Variants in FRAS1 observed in about 807,000 individuals in gnomAD.
FRAS1 encodes the protein Fraser extracellular matrix complex subunit 1.
FRAS1 carries 290 observed loss-of-function variants against 435.2 expected under a neutral mutation model. That is an observed-to-expected ratio of 0.67 (90% confidence interval 0.61 to 0.73). The LOEUF is 0.73. Among genes scored for constraint, FRAS1 ranks in the 30% least tolerant of loss-of-function variants. The pLI is 0.00. For synonymous variants in FRAS1, 1,800 were observed against 1,851.0 expected, an observed-to-expected ratio of 0.97 and a Z score of 0.71; for missense variants, 4,860 against 5,001.5, an observed-to-expected ratio of 0.97 and a Z score of 0.85.
At chr4:78,259,405 G>A (rs1578211666) in intron 6 of FRAS1, among the ~76,000 whole-genome samples, 1 of 146,674 alleles carries the variant, frequency 6.8e-6, no homozygotes, top group Admixed American at 6.9e-5. Context: ...CATTCTGACT[G>A]GTGTGAGATG....
rs1448204743 is a variant in FRAS1, at chr4:78,080,214, C to T, written c.108+14198C>T. On this transcript the variant is annotated intron_variant, in intron 2 of 73. Coordinates refer to ENST00000512123, the MANE Select transcript of FRAS1 (RefSeq NM_025074.7). ...AAAAGCCAAAATGGATACCACTGTGCCTCTGCCTCGAGAAGCCTGATTGAT... is the reference window on the plus strand; with the variant it reads ...AAAAGCCAAAATGGATACCACTGTGTCTCTGCCTCGAGAAGCCTGATTGAT... Among the ~76,000 whole-genome samples the T allele has an allele frequency of 2.6e-5, 4 of 152,130 alleles. No homozygotes were observed. In the East Asian group the frequency reaches 5.8e-4, roughly 22 times the overall value.
At chr4:78,058,152 T>A in intron 1 of FRAS1, 67 bp downstream of exon 1, 1 of 1,393,704 alleles carries the variant, frequency 7.2e-7, no homozygotes, top group African/African-American at 1.4e-5. Context: ...GTGTGAGTGA[T>A]CGTGCAGTTT....
At chr4:78,201,705 C>T (rs1723054079) in intron 2 of FRAS1, among the ~76,000 whole-genome samples, 1 of 152,120 alleles carries the variant, frequency 6.6e-6, no homozygotes, top group Non-Finnish European at 1.5e-5. Context: ...ATAATGCCTG[C>T]TCATTTTAAC....
At position 78,400,826 on chromosome 4, in the gene FRAS1, G is replaced by A; in HGVS notation, c.4068G>A (p.Glu1356=). ...LQITNRILQA[E]APGASAEEII... ...TCACCAACAGAATCTTACAGGCCGA[G>A]GCTCCTGGTGCCAGTGCTGAAGAAA... The change falls in exon 30 of 74, where the codon GAG becomes GAA. Residue 1356 remains glutamate, a synonymous_variant. Transcript: ENST00000512123. 1 of 1,613,772 alleles carries A rather than the reference G, an allele frequency of 6.2e-7. No homozygotes were observed. Among genetic ancestry groups the A allele is most frequent in the Non-Finnish European group, 8.5e-7 (1 of 1,179,808 alleles).
intron 2 of FRAS1, among the ~76,000 whole-genome samples, chr4:78,212,539 C>A (rs1046663940): frequency 9.2e-5 from 14 of 152,194 alleles, no homozygotes; most frequent in African/African-American, 3.4e-4. Context: ...GCAAACCTGA[C>A]TTTTACTTCT....
chr4:78,245,405 G>C lies in FRAS1; in HGVS notation c.309+80G>C, dbSNP rs930114004. On this transcript the variant is annotated intron_variant, in intron 4 of 73. Coordinates refer to ENST00000512123, the MANE Select transcript of FRAS1 (RefSeq NM_025074.7). ...AAAAGCTGAATGTTAAACTTGTGTTGATGAGAGTTTTTTTCTTTGCCTGGA... is the reference window on the plus strand; with the variant it reads ...AAAAGCTGAATGTTAAACTTGTGTTCATGAGAGTTTTTTTCTTTGCCTGGA... 8 of 1,015,440 alleles carry C rather than the reference G, an allele frequency of 7.9e-6. No individual in the cohort carries two copies. In the African/African-American group the frequency reaches 1.1e-4, roughly 14 times the overall value. 62.9% of individuals were successfully genotyped at this position (1,015,440 alleles called of 1,614,324 possible).
intron 9 of FRAS1, among the ~76,000 whole-genome samples, chr4:78,273,064 T>A (rs1022614619): frequency 6.6e-6 from 1 of 152,226 alleles, no homozygotes; most frequent in African/African-American, 2.4e-5. Context: ...TATTTTATTC[T>A]CTTTGAAGCA....
chr4:78,494,851 T>C (rs1011150680), intron 59 of FRAS1, among the ~76,000 whole-genome samples: 19 of 152,172 alleles, frequency 1.2e-4, no homozygotes, highest in Non-Finnish European at 2.4e-4. Flanking sequence ...AGAATTTTGT[T>C]GGATATACAA....
intron 23 of FRAS1, among the ~76,000 whole-genome samples, chr4:78,371,138 G>A (rs1204191671): frequency 1.4e-5 from 2 of 141,580 alleles, no homozygotes; most frequent in East Asian, 2.2e-4. Flanking sequence ...AGTTTGTGGT[G>A]AAAAACAAGA....
At position 78,265,038 on chromosome 4, in the gene FRAS1, T is replaced by G. The variant is rs779620563; in HGVS notation, c.617T>G (p.Val206Gly). 21 of 1,609,378 alleles carry G rather than the reference T, an allele frequency of 1.3e-5. 1 individual carries two copies. The South Asian group carries it at 2.1e-4, about 16-fold the overall frequency. The change falls in exon 7 of 74, where the codon GTC becomes GGC. Residue 206 changes from valine to glycine, a missense_variant. Coordinates refer to ENST00000512123, the MANE Select transcript of FRAS1 (RefSeq NM_025074.7). ...CTGCGTGTTAAGGATGAGACTGTAG[T>G]CCGAGTCCCTGGAAAATGTTGCCCG... ...PLFCNQDETVVRVPGKCCPQC... is the reference protein window; with the variant it reads ...PLFCNQDETVGRVPGKCCPQC...
At chr4:78,232,755 CT>C (rs1181684136) in intron 2 of FRAS1, among the ~76,000 whole-genome samples, 2 of 152,140 alleles carry the variant, frequency 1.3e-5, no homozygotes, top group African/African-American at 4.8e-5. Context: ...TATCTCAATT[CT>C]TATGAATAGA....
rs572609792 is a variant in FRAS1, at chr4:78,129,265, A to C, written c.108+63249A>C. Among the ~76,000 whole-genome samples, 12 of 152,310 alleles carry C rather than the reference A, an allele frequency of 7.9e-5. No homozygotes were observed. The East Asian group carries it at 1.7e-3, about 22-fold the overall frequency. On this transcript the variant is annotated intron_variant, in intron 2 of 73. Coordinates refer to ENST00000512123, the MANE Select transcript of FRAS1 (RefSeq NM_025074.7). ...TCTTTTTTGGTTCCATATGAACTTT[A>C]AAGTAGTTTTTTCCAATTCTGTGAA...
chr4:78,363,422 T>C (rs1407725303), intron 20 of FRAS1, 91 bp from the exon 21 acceptor site: 1 of 1,290,514 alleles, frequency 7.7e-7, no homozygotes, highest in Non-Finnish European at 1.1e-6. Context: ...GCAGTGTTTG[T>C]AATTGAAATC....
intron 59 of FRAS1, among the ~76,000 whole-genome samples, chr4:78,491,392 C>A (rs191464872): frequency 3.3e-5 from 5 of 152,122 alleles, no homozygotes; most frequent in African/African-American, 1.2e-4. Flanking sequence ...AACATCAATG[C>A]GAAAATACTC....
chr4:78,412,327 G>A (rs1478634539), intron 31 of FRAS1, among the ~76,000 whole-genome samples: 2 of 152,184 alleles, frequency 1.3e-5, no homozygotes, highest in Non-Finnish European at 2.9e-5. Flanking sequence ...TTAAGAGGGT[G>A]GTCCAGTAAC....
chr4:78,390,711 T>G (rs1732410754), intron 29 of FRAS1, among the ~76,000 whole-genome samples: 1 of 152,214 alleles, frequency 6.6e-6, no homozygotes, highest in Admixed American at 6.5e-5. Flanking sequence ...ATGCCTCAAC[T>G]CTTATGGCTT....
rs1440137423 is a variant in FRAS1 at position 78,507,584 on chromosome 4, C to G, written c.9480C>G (p.Ser3160Arg). The change falls in exon 62 of 74, where the codon AGC becomes AGG. Residue 3160 changes from serine to arginine, a missense_variant. Transcript: ENST00000512123. ...VTILDQEAAG[S>R]LILPAPPIVV... The stretch of plus-strand genomic sequence containing the variant: ...TTCTAGACCAGGAGGCAGCAGGGAG[C>G]CTCATATTGCCAGCACCACCCATTG... The G allele has an allele frequency of 3.7e-6, 6 of 1,600,976 alleles. No individual in the cohort carries two copies. The highest frequency in any genetic ancestry group is 1.8e-5 in the Admixed American group (1 of 56,880).
chr4:78,307,726 C>T (rs926854580), intron 14 of FRAS1, among the ~76,000 whole-genome samples: 4 of 152,222 alleles, frequency 2.6e-5, no homozygotes, highest in African/African-American at 4.8e-5. Context: ...GCGCATGGTG[C>T]ATGCACCCAC....
intron 2 of FRAS1, among the ~76,000 whole-genome samples, chr4:78,106,340 G>A (rs1578127005): frequency 2.0e-5 from 1 of 50,496 alleles, no homozygotes; most frequent in Non-Finnish European, 4.2e-5. Context: ...GCAGACTTAA[G>A]TGTCCCTGTC....
Sources: allele counts gnomAD v4.1 joint callset (sites outside exome capture counted in the v4.1 genomes callset), GRCh38; gene constraint gnomAD v4.1.1; transcripts MANE v1.5; gene names NCBI Gene and HGNC (gene_info 2026-07-23, HGNC 2026-07-21).